Variants in KRABD1 observed in about 807,000 individuals in gnomAD.
KRABD1 encodes KRAB domain-containing protein 1.
the KRABD1 span, chr3:42,938,301 G>T: frequency 6.6e-6 from 1 of 152,156 alleles, no homozygotes; most frequent in Non-Finnish European, 1.5e-5. Flanking sequence ...AATAGTAGTA[G>T]GGAGGCATCA....
At chr3:42,942,034 A>T in the KRABD1 span, 9 of 1,535,932 alleles carry the variant, frequency 5.9e-6, no homozygotes, top group Non-Finnish European at 7.8e-6. Flanking sequence ...AGCCACAGGG[A>T]GTCCTAAGCA....
the KRABD1 span, chr3:42,942,025 G>A: frequency 1.3e-6 from 2 of 1,535,892 alleles, no homozygotes; most frequent in African/African-American, 2.7e-5. Flanking sequence ...GTTTCACCCA[G>A]CCACAGGGAG....
the KRABD1 span, chr3:42,941,196 G>A: frequency 6.5e-7 from 1 of 1,537,888 alleles, no homozygotes; most frequent in Non-Finnish European, 8.7e-7. Flanking sequence ...AAGTACTGAG[G>A]TCTGGGAAAG....
chr3:42,940,149 T>G, the KRABD1 span, among the ~76,000 whole-genome samples: 1 of 152,206 alleles, frequency 6.6e-6, no homozygotes, highest in Non-Finnish European at 1.5e-5. Flanking sequence ...CATCTCAAAT[T>G]AAAGGTGTGA....
chr3:42,942,184 C>T, the KRABD1 span: 1 of 738,884 alleles, frequency 1.4e-6, no homozygotes, highest in East Asian at 2.7e-5. Flanking sequence ...CACTGGGATC[C>T]TCGATCACAT....
At chr3:42,939,634 G>T in the KRABD1 span, among the ~76,000 whole-genome samples, 2 of 152,062 alleles carry the variant, frequency 1.3e-5, no homozygotes, top group African/African-American at 2.4e-5. Flanking sequence ...AGTAGATACT[G>T]CCCAACAATT....
At chr3:42,941,474 A>G in the KRABD1 span, 2 of 1,047,034 alleles carry the variant, frequency 1.9e-6, no homozygotes, top group Non-Finnish European at 2.6e-6. Flanking sequence ...CCTGGTGTCT[A>G]TTGACTTGCG....
chr3:42,940,541 G>A, the KRABD1 span, among the ~76,000 whole-genome samples: 94 of 152,272 alleles, frequency 6.2e-4, 1 homozygote, highest in Non-Finnish European at 1.8e-4. Flanking sequence ...CTCTATTTCT[G>A]AAATACAGAG....
the KRABD1 span, chr3:42,936,863 G>A: frequency 6.6e-6 from 1 of 152,064 alleles, no homozygotes; most frequent in Non-Finnish European, 1.5e-5. Flanking sequence ...TTGGTGATCA[G>A]TTATTTTCGC....
At chr3:42,937,345 G>C in the KRABD1 span, 1 of 152,172 alleles carries the variant, frequency 6.6e-6, no homozygotes, top group African/African-American at 2.4e-5. Context: ...GGAGTGTTTT[G>C]TGTTTTGTAG....
the KRABD1 span, among the ~76,000 whole-genome samples, chr3:42,940,723 C>T: frequency 2.0e-5 from 3 of 152,162 alleles, no homozygotes; most frequent in South Asian, 4.1e-4. Flanking sequence ...AGTTCATTGA[C>T]TGATCAGAGA....
At chr3:42,938,206 C>A in the KRABD1 span, 1 of 152,150 alleles carries the variant, frequency 6.6e-6, no homozygotes, top group African/African-American at 2.4e-5. Context: ...TTGATGGATT[C>A]TTTTAATATG....
chr3:42,941,729 T>C, the KRABD1 span, among the ~76,000 whole-genome samples: 24 of 152,058 alleles, frequency 1.6e-4, no homozygotes, highest in Non-Finnish European at 8.8e-5. Flanking sequence ...AAAATCTTGT[T>C]GCCCTTTAAA....
the KRABD1 span, among the ~76,000 whole-genome samples, chr3:42,942,254 CTCT>C: frequency 6.6e-6 from 1 of 152,140 alleles, no homozygotes; most frequent in Non-Finnish European, 1.5e-5. Context: ...GTACACAACA[CTCT>C]TCTTCTGTAT....
chr3:42,940,323 A>G, the KRABD1 span, among the ~76,000 whole-genome samples: 231 of 152,314 alleles, frequency 1.5e-3, 3 homozygotes, highest in East Asian at 0.032. Context: ...ATTCAGTTCT[A>G]TTAGTTGAAT....
At chr3:42,939,054 GTGTGTA>G in the KRABD1 span, 17 of 654,930 alleles carry the variant, frequency 2.6e-5, no homozygotes, top group Non-Finnish European at 3.5e-5. Flanking sequence ...TTTTATATAT[GTGTGTA>G]TGTGTACACA....
At chr3:42,940,533 C>CT in the KRABD1 span, among the ~76,000 whole-genome samples, 2 of 152,202 alleles carry the variant, frequency 1.3e-5, no homozygotes, top group Non-Finnish European at 2.9e-5. Context: ...CACTAGAGCT[C>CT]TATTTCTGAA....
At chr3:42,938,792 T>G in the KRABD1 span, 1 of 740,644 alleles carries the variant, frequency 1.4e-6, no homozygotes, top group East Asian at 2.7e-5. Flanking sequence ...AGAGGTTGTT[T>G]GTAGGACTTA....
the KRABD1 span, chr3:42,937,527 A>G: frequency 6.6e-6 from 1 of 152,238 alleles, no homozygotes; most frequent in African/African-American, 2.4e-5. Context: ...ATTTTAGAGA[A>G]TTAGATTCCA....
Sources: gnomAD v4.1 joint callset for allele counts (sites outside exome capture counted in the v4.1 genomes callset) on GRCh38, gnomAD v4.1.1 for gene constraint, MANE v1.5 for transcripts, NCBI Gene and HGNC (gene_info 2026-07-23, HGNC 2026-07-21) for gene names.